LAMA2: variants seen among roughly 807,000 people sequenced by gnomAD.
LAMA2 encodes laminin subunit alpha 2, also known as laminin subunit alpha-2.
A neutral mutation model predicts 364.8 loss-of-function variants in LAMA2; 269 were observed. That is an observed-to-expected ratio of 0.74 (90% CI 0.67 to 0.82). The LOEUF (loss-of-function observed/expected upper bound fraction) is 0.82, where lower values mean the gene tolerates loss of function less well. LAMA2 is among the 40% of genes least tolerant of loss of function. LAMA2 has a pLI of 0.00. For missense variants in LAMA2, 3,807 were observed against 3,873.2 expected (o/e 0.98, Z 0.45); for synonymous variants, 1,379 against 1,370.6 (o/e 1.01, Z -0.14).
At chr6:129,510,507 A>G (rs1038323489) in intron 62 of LAMA2, among the ~76,000 whole-genome samples, 1 of 152,198 alleles carries the variant, frequency 6.6e-6, no homozygotes, top group Non-Finnish European at 1.5e-5. Flanking sequence ...AAATACGTGT[A>G]TGTTCATTAG....
At chr6:129,096,019 A>G (rs1775164068) in intron 3 of LAMA2, among the ~76,000 whole-genome samples, 1 of 152,186 alleles carries the variant, frequency 6.6e-6, no homozygotes, top group Admixed American at 6.5e-5. Context: ...CTTGTCAGGA[A>G]TACTTTGGGA....
At chr6:129,466,880 C>T (rs919070456) in intron 51 of LAMA2, among the ~76,000 whole-genome samples, 10 of 151,758 alleles carry the variant, frequency 6.6e-5, no homozygotes, top group African/African-American at 2.4e-4. Flanking sequence ...CATAGGGATA[C>T]CGAGAACTCT....
chr6:129,081,989 T>A (rs1286756760), intron 3 of LAMA2, among the ~76,000 whole-genome samples: 2 of 152,192 alleles, frequency 1.3e-5, no homozygotes, highest in Admixed American at 6.5e-5. Context: ...TCTGGGTTTT[T>A]AAATCATGTA....
chr6:129,045,061 G>A (rs1430861931), intron 1 of LAMA2, among the ~76,000 whole-genome samples: 1 of 152,076 alleles, frequency 6.6e-6, no homozygotes, highest in African/African-American at 2.4e-5. Flanking sequence ...CTTCAAATTG[G>A]TCATTCATTA....
Position 129,015,373 on chromosome 6 carries a change from C to T in LAMA2, c.113-34545C>T, listed in dbSNP as rs541335533. Among the ~76,000 whole-genome samples the T allele has an allele frequency of 3.3e-5, 5 of 152,146 alleles. No individual in the cohort carries two copies. In the South Asian group the frequency reaches 8.3e-4, roughly 25 times the overall value. ...AGCCCTCACTTAGAACCCCATAAGA[C>T]AGGAAAGATACAGCATCAACCTCTC... On this transcript the variant is annotated intron_variant, in intron 1 of 64. Coordinates refer to ENST00000421865, the MANE Select transcript of LAMA2 (RefSeq NM_000426.4).
intron 1 of LAMA2, among the ~76,000 whole-genome samples, chr6:129,037,375 T>C (rs1392211192): frequency 6.6e-6 from 1 of 152,152 alleles, no homozygotes; most frequent in Non-Finnish European, 1.5e-5. Context: ...GTAAACAGTA[T>C]ATGATATCTT....
At chr6:129,063,191 C>T (rs910112846) in intron 3 of LAMA2, among the ~76,000 whole-genome samples, 2 of 152,004 alleles carry the variant, frequency 1.3e-5, no homozygotes, top group Non-Finnish European at 2.9e-5. Context: ...CAACTAAATT[C>T]CATCTCACAA....
intron 47 of LAMA2, among the ~76,000 whole-genome samples, chr6:129,455,463 G>T (rs1316325001): frequency 6.6e-6 from 1 of 152,100 alleles, no homozygotes; most frequent in Non-Finnish European, 1.5e-5. Context: ...TAAAGAAGGT[G>T]AACCTTATTT....
intron 17 of LAMA2, among the ~76,000 whole-genome samples, chr6:129,275,080 G>A (rs1788210111): frequency 6.6e-6 from 1 of 151,954 alleles, no homozygotes; most frequent in African/African-American, 2.4e-5. Flanking sequence ...GTTTTTGAAA[G>A]AATGAAACTC....
At chr6:128,976,703 C>A (rs1475797880) in intron 1 of LAMA2, among the ~76,000 whole-genome samples, 1 of 152,124 alleles carries the variant, frequency 6.6e-6, no homozygotes, top group African/African-American at 2.4e-5. Flanking sequence ...AGAAATGTAT[C>A]TGGGGGGCCT....
At chr6:129,419,130 A>C (rs182803912) in intron 40 of LAMA2, among the ~76,000 whole-genome samples, 2 of 152,232 alleles carry the variant, frequency 1.3e-5, no homozygotes, top group African/African-American at 2.4e-5. Context: ...CAGAGAAATA[A>C]ATTTTTTGAC....
intron 40 of LAMA2, among the ~76,000 whole-genome samples, chr6:129,421,671 C>G (rs919872666): frequency 3.9e-5 from 6 of 152,068 alleles, no homozygotes; most frequent in Non-Finnish European, 5.9e-5. Flanking sequence ...TTTCCATTCC[C>G]TTATCATGTG....
chr6:129,313,124 G>A (rs368302854), intron 23 of LAMA2, 27 bp downstream of exon 23: 212 of 1,404,416 alleles, frequency 1.5e-4, no homozygotes, highest in Non-Finnish European at 1.8e-4. Context: ...TGCAGCTAGG[G>A]AAAACCTCCC....
At chr6:128,963,070 A>AT (rs1249579683) in intron 1 of LAMA2, among the ~76,000 whole-genome samples, 3 of 152,152 alleles carry the variant, frequency 2.0e-5, no homozygotes, top group Non-Finnish European at 4.4e-5. Context: ...TGGGAGAAGA[A>AT]TGGTGACCCA....
At chr6:129,440,747 G>C in intron 42 of LAMA2, 69 bp from the exon 43 acceptor site, 2 of 1,364,426 alleles carry the variant, frequency 1.5e-6, no homozygotes, top group South Asian at 2.3e-5. Flanking sequence ...GCCTCGCTTT[G>C]TCAAGCATGG....
chr6:129,402,302 T>G lies in LAMA2; in HGVS notation c.5563-22T>G, dbSNP rs1371165651. On this transcript the variant is annotated intron_variant, in intron 38 of 64. Transcript: ENST00000421865. ...GAGGCTTGAATTCACTTGCTTAAAA[T>G]GCCCTCTTCTCTACATATCAGTATG... is the stretch of plus-strand genomic sequence containing the variant. 6 of 1,603,782 alleles carry G rather than the reference T, an allele frequency of 3.7e-6. No homozygotes were observed. In the African/African-American group the frequency reaches 4.0e-5, roughly 11 times the overall value.
In LAMA2 at chr6:129,514,507, C is replaced by T. The variant is rs61749497; in HGVS notation, c.9123C>T (p.Val3041=). 2,429 of 1,614,084 alleles carry T rather than the reference C, an allele frequency of 1.5e-3. 28 individuals are homozygous for T. In the African/African-American group the frequency reaches 0.028, roughly 18 times the overall value. Residue 3041 remains valine, a synonymous_variant, in exon 64 of 65, where the codon GTC becomes GTT. Coordinates refer to ENST00000421865, the MANE Select transcript of LAMA2 (RefSeq NM_000426.4). ...NKIKHRIELT[V]DGNQVEAQSP... is the part of the protein sequence containing the mutation. ...TCAAACACCGCATTGAGCTCACAGT[C>T]GATGGGAACCAGGTGGAAGCCCAAA... is the stretch of plus-strand genomic sequence containing the variant.
intron 41 of LAMA2, among the ~76,000 whole-genome samples, chr6:129,437,273 C>T (rs186777146): frequency 2.4e-4 from 37 of 152,180 alleles, no homozygotes; most frequent in African/African-American, 8.9e-4. Flanking sequence ...TCAATTTCCT[C>T]ATTTGTAAAT....
chr6:129,252,382 G>A, intron 14 of LAMA2, 87 bp downstream of exon 14: 1 of 950,694 alleles, frequency 1.1e-6, no homozygotes, highest in East Asian at 2.5e-5. Flanking sequence ...ATTTTTTAAG[G>A]CACCTAGGAT....
Sources: allele counts gnomAD v4.1 joint callset (sites outside exome capture counted in the v4.1 genomes callset), GRCh38; gene constraint gnomAD v4.1.1; transcripts MANE v1.5; gene names NCBI Gene and HGNC (gene_info 2026-07-23, HGNC 2026-07-21).